MYSM1: variants seen among roughly 807,000 people sequenced by gnomAD.
The protein encoded by MYSM1 is deubiquitinase MYSM1.
A neutral mutation model predicts 116.0 loss-of-function variants in MYSM1; 51 were observed. The observed-to-expected ratio is 0.44, with a 90% CI of 0.35 to 0.56. The LOEUF (loss-of-function observed/expected upper bound fraction) is 0.56. Ranked by LOEUF, MYSM1 falls within the 20% of genes least tolerant of loss-of-function variation. The probability of loss-of-function intolerance (pLI) is 0.00; values close to 1 mark genes in which losing one functional copy is unlikely to be tolerated. For missense variants in MYSM1, 900 were observed against 974.9 expected (o/e 0.92, Z 1.02); for synonymous variants, 313 against 315.2 (o/e 0.99, Z 0.07).
chr1:58,657,025 AC>A lies in MYSM1; in HGVS notation c.*2971del, dbSNP rs1644327994. 6.6e-6 allele frequency: 1 copy of A among 152,188 alleles called. No individual in the cohort carries two copies. Among genetic ancestry groups the A allele is most frequent in the African/African-American group, 2.4e-5 (1 of 41,446 alleles). The allele number at this position is 152,188 out of a possible 1,614,324, so 9.4% of individuals were successfully genotyped here. ...AATGCAGCTCTGAATACAGGGTCAA[AC>A]AAACTGTAACTGAAGCAATGTAACT... On this transcript the variant is annotated 3_prime_UTR_variant, in exon 20 of 20. Coordinates refer to ENST00000472487, the MANE Select transcript of MYSM1 (RefSeq NM_001085487.3).
chr1:58,682,958 G>A (rs1258191723), intron 7 of MYSM1, among the ~76,000 whole-genome samples: 1 of 152,200 alleles, frequency 6.6e-6, no homozygotes, highest in South Asian at 2.1e-4. Context: ...GCCTCCCAAA[G>A]TGCTGGGATT....
chr1:58,672,734 A>T (rs985950962), intron 11 of MYSM1, among the ~76,000 whole-genome samples: 1 of 152,080 alleles, frequency 6.6e-6, no homozygotes, highest in Non-Finnish European at 1.5e-5. Flanking sequence ...GATCCTTCAG[A>T]TCAGATTATA....
intron 14 of MYSM1, 78 bp downstream of exon 14, chr1:58,668,554 C>T: frequency 1.3e-6 from 2 of 1,488,556 alleles, no homozygotes; most frequent in Non-Finnish European, 8.9e-7. Context: ...GTCTTCCATA[C>T]TCTGTCTTAC....
intron 17 of MYSM1, among the ~76,000 whole-genome samples, chr1:58,665,185 TGA>T (rs1331650369): frequency 2.6e-5 from 4 of 152,180 alleles, no homozygotes; most frequent in South Asian, 2.1e-4. Flanking sequence ...AAAATTTTCA[TGA>T]GAACAGAGAC....
chr1:58,672,003 G>A (rs374876091), intron 11 of MYSM1, 45 bp from the exon 12 acceptor site: 3 of 1,473,268 alleles, frequency 2.0e-6, no homozygotes, highest in African/African-American at 2.8e-5. Context: ...CATCTACTAA[G>A]AGGCAGAATA....
chr1:58,700,006 G>T lies in MYSM1; in HGVS notation c.47C>A (p.Ala16Glu). 6.2e-7 allele frequency: 1 copy of T among 1,613,514 alleles called. No homozygotes were observed. The highest frequency in any genetic ancestry group is 8.5e-7 in the Non-Finnish European group (1 of 1,179,992). Residue 16 changes from alanine to glutamate, a missense_variant, in exon 1 of 20, where the codon GCG becomes GAG. Coordinates refer to ENST00000472487, the MANE Select transcript of MYSM1 (RefSeq NM_001085487.3). ...ADVDIEGDVV[A>E]AAGAQPGSGE... ...TCACCCTGGCTGTGCCCCCGCCGCC[G>T]CTACCACGTCCCCTTCGATATCCAC...
chr1:58,679,351 G>C (rs1644703189), intron 8 of MYSM1, among the ~76,000 whole-genome samples: 1 of 152,060 alleles, frequency 6.6e-6, no homozygotes. Flanking sequence ...GGAAACTATT[G>C]CCATGTAATT....
rs546340332 is a variant in MYSM1, at chr1:58,670,678, GTTAA to G, written c.1661+1188_1661+1191del. Among the ~76,000 whole-genome samples, 179 of 152,272 alleles carry G rather than the reference GTTAA, an allele frequency of 1.2e-3. 1 individual carries two copies. Among genetic ancestry groups the G allele is most frequent in the Non-Finnish European group, 1.9e-3 (129 of 68,006 alleles). On this transcript the variant is annotated intron_variant, in intron 12 of 19. Transcript: ENST00000472487. ...TTCTGTATAAGATGAAGATATATGC[GTTAA>G]TTGTGGTAATCTATATAGCTGATTG...
Position 58,699,999 on chromosome 1 carries a change from C to A in MYSM1, c.54G>T (p.Ala18=), listed in dbSNP as rs758084487. Residue 18 remains alanine, a synonymous_variant, in exon 1 of 20, where the codon GCG becomes GCT. Coordinates refer to ENST00000472487, the MANE Select transcript of MYSM1 (RefSeq NM_001085487.3). ...VDIEGDVVAA[A]GAQPGSGENT... ...CTAAGCCTCACCCTGGCTGTGCCCC[C>A]GCCGCCGCTACCACGTCCCCTTCGA... 3 of 1,613,614 alleles carry A rather than the reference C, an allele frequency of 1.9e-6. No homozygotes were observed. Among genetic ancestry groups the A allele is most frequent in the Non-Finnish European group, 2.5e-6 (3 of 1,180,006 alleles).
chr1:58,695,186 T>G lies in MYSM1; in HGVS notation c.90A>C (p.Ser30=). The G allele has an allele frequency of 6.2e-7, 1 of 1,603,804 alleles. No homozygotes were observed. Among genetic ancestry groups the G allele is most frequent in the South Asian group, 1.1e-5 (1 of 90,874 alleles). ...CAAGATAGTGATCTTTTTGTAAAACTGATGCTGTATTTTCACCACTTCTGT... is the reference window on the plus strand; with the variant it reads ...CAAGATAGTGATCTTTTTGTAAAACGGATGCTGTATTTTCACCACTTCTGT... ...AQPGSGENTA[S]VLQKDHYLDS... is the part of the protein sequence containing the mutation. The change falls in exon 2 of 20, where the codon TCA becomes TCC. Residue 30 remains serine (S), a synonymous_variant. Coordinates refer to ENST00000472487, the MANE Select transcript of MYSM1 (RefSeq NM_001085487.3).
intron 3 of MYSM1, among the ~76,000 whole-genome samples, chr1:58,691,811 G>A (rs1644910007): frequency 6.6e-6 from 1 of 152,048 alleles, no homozygotes; most frequent in Non-Finnish European, 1.5e-5. Context: ...AGGTTGCAGT[G>A]AGCCAAGATC....
intron 7 of MYSM1, among the ~76,000 whole-genome samples, chr1:58,684,103 T>C (rs551417731): frequency 5.3e-5 from 8 of 152,244 alleles, no homozygotes; most frequent in African/African-American, 9.6e-5. Flanking sequence ...ATACAATCGA[T>C]GTATGATGAA....
At chr1:58,662,460 C>CG (rs1164549738) in intron 17 of MYSM1, among the ~76,000 whole-genome samples, 104 of 52,714 alleles carry the variant, frequency 2.0e-3, no homozygotes, top group Non-Finnish European at 3.7e-3. Flanking sequence ...ATTCACCCCC[C>CG]CCTTTTTTTT....
At chr1:58,665,401 G>A in intron 17 of MYSM1, 98 bp downstream of exon 17, 2 of 944,958 alleles carry the variant, frequency 2.1e-6, no homozygotes, top group Non-Finnish European at 3.1e-6. Context: ...ACAAACTCTT[G>A]CATTAAATAA....
intron 18 of MYSM1, 84 bp from the exon 19 acceptor site, chr1:58,661,311 A>T: frequency 7.5e-7 from 1 of 1,329,422 alleles, no homozygotes; most frequent in Non-Finnish European, 1.1e-6. Context: ...CGGATGCCAT[A>T]CATCACAATT....
Position 58,684,811 on chromosome 1 carries a change from A to G in MYSM1, c.498+342T>C, listed in dbSNP as rs116642750. On this transcript the variant is annotated intron_variant, in intron 7 of 19. Transcript: ENST00000472487. ...AATAATTCTTAAAAGTTTCTACAAC[A>G]CAAATATTTTAAAAGGAAAAGTTAT... Among the ~76,000 whole-genome samples, 1,144 of 152,294 alleles carry G rather than the reference A, an allele frequency of 7.5e-3. 13 individuals carry two copies. The highest frequency in any genetic ancestry group is 0.027 in the Middle Eastern group (8 of 294).
chr1:58,669,006 T>G lies in MYSM1; in HGVS notation c.1694A>C (p.Asn565Thr). 1.2e-6 allele frequency: 2 copies of G among 1,602,444 alleles called. No homozygotes were observed. Among genetic ancestry groups the G allele is most frequent in the Non-Finnish European group, 1.7e-6 (2 of 1,175,886 alleles). ...TACCTGCTTTTCTTCACTAAAAAAA[T>G]TACAAGGTATCAGTTGGAAGGGATC... ...SFDPFQLIPC[N>T]FFSEEKQEPF... Residue 565 changes from asparagine to threonine, a missense_variant, in exon 13 of 20, where the codon AAT becomes ACT. By Grantham distance (65) the Asn-to-Thr change is moderately conservative. Transcript: ENST00000472487.
Position 58,660,031 on chromosome 1 carries a change from G to T in MYSM1, c.2453C>A (p.Thr818Asn), listed in dbSNP as rs776072126. The T allele has an allele frequency of 6.2e-7, 1 of 1,603,982 alleles. No homozygotes were observed. Among genetic ancestry groups the T allele is most frequent in the Non-Finnish European group, 8.5e-7 (1 of 1,174,764 alleles). ...CAATTCCTTTGTACAGTTCTCTTCGGTTACTCCATTCTCTTGGTTGCTTTT... is the reference window on the plus strand; with the variant it reads ...CAATTCCTTTGTACAGTTCTCTTCGTTTACTCCATTCTCTTGGTTGCTTTT... ...NYKSNQENGVTEENCTKELLM is the reference protein window; with the variant it reads ...NYKSNQENGVNEENCTKELLM Residue 818 changes from threonine (T) to asparagine (N), a missense_variant, in exon 20 of 20, where the codon ACC becomes AAC. Thr to Asn is a moderately conservative substitution (Grantham distance 65, BLOSUM62 0). Around this residue, in one of 3 missense-constraint regions of MYSM1, gnomAD observed 186 missense variants for 196.2 expected, o/e 0.95. Coordinates refer to ENST00000472487, the MANE Select transcript of MYSM1 (RefSeq NM_001085487.3).
In MYSM1 at chr1:58,659,947, G is replaced by C. The variant is rs772734472; in HGVS notation, c.*50C>G. On this transcript the variant is annotated 3_prime_UTR_variant, in exon 20 of 20. Coordinates refer to ENST00000472487, the MANE Select transcript of MYSM1 (RefSeq NM_001085487.3). ...ACAATCACTTCAAGTTTATAACTTT[G>C]AAAGTAAGATCTACTGTGTCAAGAT... 8.3e-6 allele frequency: 10 copies of C among 1,204,224 alleles called. No individual in the cohort carries two copies. The African/African-American group carries it at 1.4e-4, about 17-fold the overall frequency. The allele number at this position is 1,204,224 out of a possible 1,614,324, so 74.6% of individuals were successfully genotyped here.
Sources: allele counts gnomAD v4.1 joint callset (sites outside exome capture counted in the v4.1 genomes callset), GRCh38; gene constraint gnomAD v4.1.1; regional missense constraint gnomAD v4.1.1; transcripts MANE v1.5; gene names NCBI Gene and HGNC (gene_info 2026-07-23, HGNC 2026-07-21).